The following WDR26 variants were observed in gnomAD, a reference collection of about 807,000 sequenced individuals.
WDR26 encodes the protein WD repeat domain 26, also known as WD repeat-containing protein 26.
A neutral mutation model predicts 84.1 loss-of-function variants in WDR26; 5 were observed. That is an observed-to-expected ratio of 0.06 (90% CI 0.03 to 0.13). WDR26 has a LOEUF of 0.13. Among genes scored for constraint, WDR26 ranks in the 10% least tolerant of loss-of-function variants. The pLI, the probability that WDR26 is intolerant of heterozygous loss-of-function variation, is 1.00. For missense variants in WDR26, 642 were observed against 974.9 expected (o/e 0.66, Z 4.55); for synonymous variants, 415 against 389.6 (o/e 1.07, Z -0.77).
chr1:224,419,477 C>G (rs1293312929), intron 5 of WDR26, 41 bp downstream of exon 5: 1 of 1,449,402 alleles, frequency 6.9e-7, no homozygotes, highest in South Asian at 1.1e-5. Flanking sequence ...CATTTGTAAT[C>G]TAAGAGAAAA....
Position 224,434,603 on chromosome 1 carries a change from C to T in WDR26, c.-198G>A. 1 of 503,326 alleles carries T rather than the reference C, an allele frequency of 2.0e-6. No individual in the cohort carries two copies. The highest frequency in any genetic ancestry group is 2.5e-6 in the Non-Finnish European group (1 of 395,410). The allele number at this position is 503,326 out of a possible 1,614,324, so 31.2% of individuals were successfully genotyped here. On this transcript the variant is annotated 5_prime_UTR_variant, in exon 1 of 14. Transcript: ENST00000414423. The stretch of plus-strand genomic sequence containing the variant: ...CCCCTCCCGGAGGCAGCTCGGGGTG[C>T]GCGGCCCGGGGGTCGCGCCGGGGGG...
intron 1 of WDR26, among the ~76,000 whole-genome samples, chr1:224,432,145 T>C (rs1674409820): frequency 6.6e-6 from 1 of 152,212 alleles, no homozygotes; most frequent in Non-Finnish European, 1.5e-5. Flanking sequence ...ATAAAAATTA[T>C]TAGCTTCACA....
At chr1:224,392,101 C>A (rs1476902650) in intron 13 of WDR26, among the ~76,000 whole-genome samples, 4 of 152,094 alleles carry the variant, frequency 2.6e-5, no homozygotes, top group African/African-American at 9.7e-5. Flanking sequence ...GTGGCTCATG[C>A]CTGTAATCCC....
intron 13 of WDR26, among the ~76,000 whole-genome samples, chr1:224,391,385 A>AC (rs1253703741): frequency 0.055 from 2,517 of 45,706 alleles, 84 homozygotes; most frequent in East Asian, 0.16. Context: ...AAAAAAAAAC[A>AC]AAAAAAAAAC....
At chr1:224,424,024 A>G (rs1674140876) in intron 4 of WDR26, among the ~76,000 whole-genome samples, 1 of 150,104 alleles carries the variant, frequency 6.7e-6, no homozygotes, top group Non-Finnish European at 1.5e-5. Flanking sequence ...CACACTGGAC[A>G]ACACTGTAAG....
intron 3 of WDR26, 71 bp from the exon 4 acceptor site, chr1:224,424,725 C>T: frequency 6.3e-7 from 1 of 1,598,550 alleles, no homozygotes; most frequent in Non-Finnish European, 8.6e-7. Context: ...TGTGCCTAAA[C>T]AGAACAGTAG....
Position 224,411,526 on chromosome 1 carries a change from C to T in WDR26, c.1359G>A (p.Glu453=), listed in dbSNP as rs748313543. 5.6e-6 allele frequency: 9 copies of T among 1,612,800 alleles called. No individual in the cohort carries two copies. Among genetic ancestry groups the T allele is most frequent in the Non-Finnish European group, 2.5e-6 (3 of 1,179,550 alleles). The change falls in exon 7 of 14, where the codon GAG becomes GAA. Residue 453 remains glutamate (E), a synonymous_variant. Transcript: ENST00000414423. ...TACAGAACCACACTTCATTACAATG[C>T]TCCGTAAGTATCTGCTGCGTATAAC...
intron 3 of WDR26, among the ~76,000 whole-genome samples, chr1:224,425,882 C>T (rs1312012581): frequency 6.6e-6 from 1 of 151,402 alleles, no homozygotes; most frequent in Admixed American, 6.6e-5. Context: ...TTTTTTGAGA[C>T]AGAGTCTCAC....
intron 7 of WDR26, among the ~76,000 whole-genome samples, chr1:224,405,478 A>G (rs1673525965): frequency 6.6e-6 from 1 of 152,170 alleles, no homozygotes; most frequent in South Asian, 2.1e-4. Context: ...TCTGTTTAAC[A>G]TTTTGAGAAA....
chr1:224,406,037 A>T (rs1673540627), intron 7 of WDR26, among the ~76,000 whole-genome samples: 1 of 152,194 alleles, frequency 6.6e-6, no homozygotes, highest in Admixed American at 6.5e-5. Context: ...CTAACGTAAG[A>T]TGTTAAGGAC....
At chr1:224,393,805 G>C in intron 13 of WDR26, 23 bp downstream of exon 13, 1 of 1,485,678 alleles carries the variant, frequency 6.7e-7, no homozygotes, top group Non-Finnish European at 9.1e-7. Context: ...ACAAAACATA[G>C]TAACATTATA....
At chr1:224,396,314 CAGAA>C (rs1231912811) in intron 12 of WDR26, among the ~76,000 whole-genome samples, 1 of 152,002 alleles carries the variant, frequency 6.6e-6, no homozygotes, top group African/African-American at 2.4e-5. Context: ...CTAGGGTACA[CAGAA>C]AGAGCTGTAA....
chr1:224,401,085 A>G lies in WDR26; in HGVS notation c.1600-16T>C, dbSNP rs781323521. ...GTTCTCCTGTCTATAAGGAAATAAA[A>G]CTGTAAATGAGACCTTCAAGATACC... On this transcript the variant is annotated splice_polypyrimidine_tract_variant and intron_variant, in intron 8 of 13. Coordinates refer to ENST00000414423, the MANE Select transcript of WDR26 (RefSeq NM_001379403.1). The G allele has an allele frequency of 1.2e-6, 2 of 1,608,772 alleles. No homozygotes were observed. The highest frequency in any genetic ancestry group is 2.7e-5 in the African/African-American group (2 of 74,540).
intron 3 of WDR26, among the ~76,000 whole-genome samples, chr1:224,428,524 A>G (rs1674293867): frequency 6.6e-6 from 1 of 152,170 alleles, no homozygotes; most frequent in South Asian, 2.1e-4. Flanking sequence ...CTAGACATAA[A>G]AAAAGTTTTC....
At chr1:224,425,698 T>C (rs1674189806) in intron 3 of WDR26, among the ~76,000 whole-genome samples, 1 of 152,192 alleles carries the variant, frequency 6.6e-6, no homozygotes, top group African/African-American at 2.4e-5. Flanking sequence ...TTCATCATAG[T>C]TGCTACTTGT....
chr1:224,425,126 G>C (rs1003933283), intron 3 of WDR26, among the ~76,000 whole-genome samples: 12 of 152,220 alleles, frequency 7.9e-5, no homozygotes, highest in African/African-American at 2.9e-4. Context: ...ATGTGAAAGA[G>C]GGAATAAGTA....
At position 224,401,077 on chromosome 1, in the gene WDR26, G is replaced by A. The variant is rs372578573; in HGVS notation, c.1600-8C>T. 18 of 1,609,848 alleles carry A rather than the reference G, an allele frequency of 1.1e-5. No individual in the cohort carries two copies. The highest frequency in any genetic ancestry group is 1.7e-4 in the Middle Eastern group (1 of 6,048). ...TGTCCTTAGTTCTCCTGTCTATAAG[G>A]AAATAAAACTGTAAATGAGACCTTC... is the stretch of plus-strand genomic sequence containing the variant. On this transcript the variant is annotated splice_polypyrimidine_tract_variant and splice_region_variant and intron_variant, in intron 8 of 13. Transcript: ENST00000414423.
intron 12 of WDR26, 99 bp from the exon 13 acceptor site, chr1:224,394,112 C>A: frequency 2.3e-6 from 2 of 878,854 alleles, no homozygotes; most frequent in South Asian, 4.4e-5. Flanking sequence ...TTTACTAGAA[C>A]TTAAAGGGAA....
At position 224,389,544 on chromosome 1, in the gene WDR26, T is replaced by G; in HGVS notation, c.*291A>C. 1.9e-6 allele frequency: 1 copy of G among 520,922 alleles called. No individual in the cohort carries two copies. Among genetic ancestry groups the G allele is most frequent in the South Asian group, 2.9e-5 (1 of 34,062 alleles). The allele number at this position is 520,922 out of a possible 1,614,324, so 32.3% of individuals were successfully genotyped here. A position where few individuals can be genotyped will look rare whatever the true frequency, so the allele number is the denominator to read the frequency against. On this transcript the variant is annotated 3_prime_UTR_variant, in exon 14 of 14. Transcript: ENST00000414423. ...AGACAAAAGACAGGAAGGAAAAAAATATATATACTGAGTTCAATGGGTAAG... is the reference window on the plus strand; with the variant it reads ...AGACAAAAGACAGGAAGGAAAAAAAGATATATACTGAGTTCAATGGGTAAG...
Sources: allele counts gnomAD v4.1 joint callset (sites outside exome capture counted in the v4.1 genomes callset), GRCh38; gene constraint gnomAD v4.1.1; transcripts MANE v1.5; gene names NCBI Gene and HGNC (gene_info 2026-07-23, HGNC 2026-07-21).